Variants in PSORS1C1 observed in about 807,000 individuals in gnomAD.
PSORS1C1 encodes psoriasis susceptibility 1 candidate gene 1 protein.
In PSORS1C1, 7 loss-of-function variants were observed where a neutral mutation model predicts 9.4. The observed-to-expected ratio is 0.75, with a 90% confidence interval of 0.42 to 1.40. PSORS1C1 has a LOEUF of 1.40. PSORS1C1 is among the 40% of genes most tolerant of loss of function. The probability of loss-of-function intolerance (pLI) is 0.01; values close to 1 mark genes in which losing one functional copy is unlikely to be tolerated. For missense variants in PSORS1C1, 146 were observed against 178.1 expected, an observed-to-expected ratio of 0.82 and a Z score of 1.02; for synonymous variants, 63 against 69.4, an observed-to-expected ratio of 0.91 and a Z score of 0.46.
At chr6:31,120,869 T>C (rs1772422931) in intron 1 of PSORS1C1, among the ~76,000 whole-genome samples, 1 of 151,964 alleles carries the variant, frequency 6.6e-6, no homozygotes, top group Non-Finnish European at 1.5e-5. Context: ...TCTTCCACAC[T>C]TGGGTGCCCG....
rs1489553144 is a variant in PSORS1C1, at chr6:31,115,838, GAGGA to G, written c.-229+952_-229+955del. The G allele has an allele frequency of 3.4e-6, 2 of 595,116 alleles. No individual in the cohort carries two copies. Among genetic ancestry groups the G allele is most frequent in the Non-Finnish European group, 6.0e-6 (2 of 332,974 alleles). 36.9% of individuals were successfully genotyped at this position (595,116 alleles called of 1,614,324 possible). A position where few individuals can be genotyped will look rare whatever the true frequency, so the allele number is the denominator to read the frequency against. On this transcript the variant is annotated intron_variant, in intron 1 of 5. Coordinates refer to ENST00000259881, the MANE Select transcript of PSORS1C1 (RefSeq NM_014068.3). This position sits in a 1 kb window ranked among gnomAD's most constrained non-coding sequence, Gnocchi z 4.2. ...AGCTTTGAATCTACCATTTTGAGAA[GAGGA>G]AGGAGGAAGGGGTGATAAGAGAGAG...
At chr6:31,138,400 T>C (rs1265098) in intron 3 of PSORS1C1, 30 bp from the exon 4 acceptor site, 371,180 of 1,609,584 alleles carry the variant, frequency 0.23, 45,396 homozygotes, top group Admixed American at 0.24. Flanking sequence ...CCTGTCTGGA[T>C]GGACGCAGCC....
At chr6:31,135,827 C>T (rs3094667) in intron 3 of PSORS1C1, among the ~76,000 whole-genome samples, 73,084 of 151,744 alleles carry the variant, frequency 0.48, 19,537 homozygotes, top group African/African-American at 0.72. Flanking sequence ...ACTTGAGCTC[C>T]GGAGTTTGAG....
intron 1 of PSORS1C1, chr6:31,116,481 C>G (rs1179730167): frequency 1.9e-6 from 3 of 1,604,882 alleles, no homozygotes; most frequent in Non-Finnish European, 2.6e-6. Context: ...CTCCACAGAG[C>G]TGGACCCCAC....
intron 1 of PSORS1C1, chr6:31,117,417 A>G (rs762066141): frequency 7.0e-6 from 11 of 1,564,948 alleles, no homozygotes; most frequent in Non-Finnish European, 9.5e-6. Context: ...CACTGTAGCT[A>G]CTGAAACCGC....
intron 3 of PSORS1C1, 151 bp from the exon 4 acceptor site, chr6:31,138,279 G>C (rs2150978909): frequency 2.7e-5 from 42 of 1,584,812 alleles, no homozygotes; most frequent in Non-Finnish European, 3.5e-5. Context: ...GGGTGGGTGA[G>C]AGGGGTGGCC....
Position 31,138,712 on chromosome 6 carries a change from G to A in PSORS1C1, c.100G>A (p.Glu34Lys), listed in dbSNP as rs1265096. Residue 34 changes from glutamate to lysine, a missense_variant, in exon 5 of 6, where the codon GAG (glutamate) becomes AAG (lysine). By Grantham distance (56) the Glu-to-Lys change is moderately conservative (BLOSUM62 1). Coordinates refer to ENST00000259881, the MANE Select transcript of PSORS1C1 (RefSeq NM_014068.3). ...GCTCCTTAACACAGATCCCAGCTCCGAGGAAACTCGTCCCCCCCACGTTAA... is the reference window on the plus strand; with the variant it reads ...GCTCCTTAACACAGATCCCAGCTCCAAGGAAACTCGTCCCCCCCACGTTAA... The part of the protein sequence containing the change: ...PQLLNTDPSS[E>K]ETRPPHVNPD... The A allele has an allele frequency of 0.058, 92,702 of 1,603,722 alleles. 3,521 individuals carry two copies. Among genetic ancestry groups the A allele is most frequent in the Non-Finnish European group, 0.069 (81,127 of 1,176,598 alleles).
intron 1 of PSORS1C1, among the ~76,000 whole-genome samples, chr6:31,122,297 G>A (rs1379662747): frequency 6.6e-6 from 1 of 152,218 alleles, no homozygotes; most frequent in Non-Finnish European, 1.5e-5. Flanking sequence ...AGCAAATGGA[G>A]CCCTGCAGGT....
In PSORS1C1 at chr6:31,139,337, A is replaced by ATC. The variant is rs1194747920; in HGVS notation, c.168-301_168-300dup. On this transcript the variant is annotated intron_variant, in intron 5 of 5. Transcript: ENST00000259881. The surrounding 1 kb of genome is among the most constrained non-coding windows in gnomAD (Gnocchi z 5.2). ...CTGGAGCAGTCAATACCCACTTGGCATCTCCGTAATCACAGAGATGTCCAC... is the reference window on the plus strand; with the variant it reads ...CTGGAGCAGTCAATACCCACTTGGCATCTCTCCGTAATCACAGAGATGTCCAC... The ATC allele has an allele frequency of 1.7e-6, 1 of 583,998 alleles. No homozygotes were observed. The highest frequency in any genetic ancestry group is 2.8e-5 in the East Asian group (1 of 35,838). 36.2% of individuals were successfully genotyped at this position (583,998 alleles called of 1,614,324 possible). A position where few individuals can be genotyped will look rare whatever the true frequency, so the allele number is the denominator to read the frequency against.
chr6:31,120,368 T>G (rs3095318), intron 1 of PSORS1C1: 1 of 1,592,758 alleles, frequency 6.3e-7, no homozygotes, highest in South Asian at 1.1e-5. Flanking sequence ...AGCAGTGCCA[T>G]CATCCCGTGC....
chr6:31,122,195 C>T (rs1425651958), intron 1 of PSORS1C1, among the ~76,000 whole-genome samples: 1 of 152,220 alleles, frequency 6.6e-6, no homozygotes, highest in Non-Finnish European at 1.5e-5. Flanking sequence ...TTTTAAATAA[C>T]ACTTATTTCA....
chr6:31,138,404 C>G, intron 3 of PSORS1C1, 26 bp from the exon 4 acceptor site: 1 of 1,610,606 alleles, frequency 6.2e-7, no homozygotes, highest in Admixed American at 1.7e-5. Flanking sequence ...TCTGGATGGA[C>G]GCAGCCTGAA....
At chr6:31,116,771 G>C (rs564806482) in intron 1 of PSORS1C1, 1 of 1,613,344 alleles carries the variant, frequency 6.2e-7, no homozygotes, top group South Asian at 1.1e-5. Context: ...GGGGGACAGG[G>C]CTTGCCTGGA....
At position 31,115,448 on chromosome 6, in the gene PSORS1C1, A is replaced by C. The variant is rs1772055888; in HGVS notation, c.-229+557A>C. 6.0e-6 allele frequency: 1 copy of C among 166,568 alleles called. No individual in the cohort carries two copies. Among genetic ancestry groups the C allele is most frequent in the African/African-American group, 2.4e-5 (1 of 41,422 alleles). 10.3% of individuals were successfully genotyped at this position (166,568 alleles called of 1,614,324 possible). A position where few individuals can be genotyped will look rare whatever the true frequency, so the allele number is the denominator to read the frequency against. ...TTGAGAGGCAATGGGTGTGTTGGGG[A>C]CGGTGATCTAGGAGGGCGTGGTGAG... On this transcript the variant is annotated intron_variant, in intron 1 of 5. Transcript: ENST00000259881. The surrounding 1 kb of genome is among the most constrained non-coding windows in gnomAD (Gnocchi z 4.2).
chr6:31,122,269 TC>T (rs1772494972), intron 1 of PSORS1C1, among the ~76,000 whole-genome samples: 1 of 152,078 alleles, frequency 6.6e-6, no homozygotes, highest in Non-Finnish European at 1.5e-5. Flanking sequence ...AGGGGTGCAG[TC>T]CCCCAGTAGG....
chr6:31,127,026 G>T (rs17196961), intron 2 of PSORS1C1, among the ~76,000 whole-genome samples: 19,235 of 152,194 alleles, frequency 0.13, 1,321 homozygotes, highest in Middle Eastern at 0.22. Context: ...TGCTCATTAT[G>T]TGCACCTGTT....
At chr6:31,133,129 C>T (rs1158241344) in intron 3 of PSORS1C1, among the ~76,000 whole-genome samples, 1 of 152,042 alleles carries the variant, frequency 6.6e-6, no homozygotes, top group East Asian at 1.9e-4. Context: ...AGTGATTTAG[C>T]ACTCTGGGAG....
intron 1 of PSORS1C1, among the ~76,000 whole-genome samples, chr6:31,125,377 G>A (rs897174809): frequency 2.6e-5 from 4 of 152,072 alleles, no homozygotes; most frequent in Admixed American, 6.5e-5. Flanking sequence ...TCTCCTTGGC[G>A]TGGAAGCCAG....
rs1772071628 is a variant in PSORS1C1, at chr6:31,115,693, T to TG, written c.-229+807dup. 1 of 364,386 alleles carries TG rather than the reference T, an allele frequency of 2.7e-6. No homozygotes were observed. Among genetic ancestry groups the TG allele is most frequent in the East Asian group, 4.3e-5 (1 of 23,434 alleles). The allele number at this position is 364,386 out of a possible 1,614,324, so 22.6% of individuals were successfully genotyped here. A position where few individuals can be genotyped will look rare whatever the true frequency, so the allele number is the denominator to read the frequency against. ...AGGGGTTTCCCAGTTGAGAAGCTGA[T>TG]GGGGGTGTTACTCAATGGACCATTT... On this transcript the variant is annotated intron_variant, in intron 1 of 5. Transcript: ENST00000259881. The surrounding 1 kb of genome is among the most constrained non-coding windows in gnomAD (Gnocchi z 4.2).
Sources: allele counts gnomAD v4.1 joint callset (sites outside exome capture counted in the v4.1 genomes callset), GRCh38; gene constraint gnomAD v4.1.1; non-coding constraint Gnocchi (gnomAD v3.1); transcripts MANE v1.5; gene names NCBI Gene and HGNC (gene_info 2026-07-23, HGNC 2026-07-21).